GRHL2: variants seen among roughly 807,000 people sequenced by gnomAD.
GRHL2 encodes grainyhead like transcription factor 2.
GRHL2 carries 21 observed loss-of-function variants against 83.8 expected under a neutral mutation model. That is an observed-to-expected ratio of 0.25 (90% CI 0.18 to 0.36). GRHL2 has a LOEUF of 0.36. Among genes scored for constraint, GRHL2 ranks in the 10% least tolerant of loss-of-function variants. The pLI is 1.00. For missense variants in GRHL2, 623 were observed against 781.8 expected, an observed-to-expected ratio of 0.80 and a Z score of 2.42; for synonymous variants, 280 against 278.9, an observed-to-expected ratio of 1.00 and a Z score of -0.04.
At chr8:101,632,467 CCTT>C in intron 11 of GRHL2, 102 bp downstream of exon 11, 1 of 1,369,862 alleles carries the variant, frequency 7.3e-7, no homozygotes, top group Non-Finnish European at 1.0e-6. Context: ...AAATAACTTA[CCTT>C]CCATTCACTA....
chr8:101,594,069 C>CAAAAAAAAA, intron 7 of GRHL2, among the ~76,000 whole-genome samples: 1 of 49,082 alleles, frequency 2.0e-5, no homozygotes, highest in Non-Finnish European at 3.4e-5. Context: ...GAGTCTGTAT[C>CAAAAAAAAA]AAAAAAAAAA....
intron 14 of GRHL2, among the ~76,000 whole-genome samples, chr8:101,655,343 ATGTT>A (rs1813763844): frequency 6.6e-6 from 1 of 152,090 alleles, no homozygotes. Flanking sequence ...CCATTTTTGA[ATGTT>A]TGGTTTCCTT....
At chr8:101,604,312 G>T (rs529337392) in intron 8 of GRHL2, among the ~76,000 whole-genome samples, 8 of 152,106 alleles carry the variant, frequency 5.3e-5, no homozygotes, top group Non-Finnish European at 1.2e-4. Flanking sequence ...TCAGATTCCT[G>T]GCACCGAGCA....
At chr8:101,535,903 A>G (rs1717457907) in intron 1 of GRHL2, among the ~76,000 whole-genome samples, 1 of 152,254 alleles carries the variant, frequency 6.6e-6, no homozygotes. Flanking sequence ...ATGGTAGATT[A>G]TGTAATAAAT....
chr8:101,673,141 T>C (rs1333177208), downstream of GRHL2, among the ~76,000 whole-genome samples: 1 of 149,670 alleles, frequency 6.7e-6, no homozygotes, highest in African/African-American at 2.5e-5. Context: ...AGAAACTGCA[T>C]CAACTAATGA....
intron 1 of GRHL2, among the ~76,000 whole-genome samples, chr8:101,533,838 C>T (rs948695296): frequency 6.6e-6 from 1 of 152,034 alleles, no homozygotes; most frequent in Non-Finnish European, 1.5e-5. Context: ...AAGGTGGGAC[C>T]AGTGCAGCAA....
chr8:101,606,386 C>G (rs1812635151), intron 8 of GRHL2, among the ~76,000 whole-genome samples: 1 of 152,116 alleles, frequency 6.6e-6, no homozygotes, highest in Non-Finnish European at 1.5e-5. Context: ...TAGTTTTGCC[C>G]CATTGCCTTC....
rs183543842 is a variant in GRHL2 at position 101,569,592 on chromosome 8, T to A, written c.679-747T>A. ...TCAAGCGATGCTTCCGCCTCAACTT[T>A]CTGGGTAGCTGGGACTACAGGGATG... On this transcript the variant is annotated intron_variant, in intron 4 of 15. Coordinates refer to ENST00000646743, the MANE Select transcript of GRHL2 (RefSeq NM_024915.4). Among the ~76,000 whole-genome samples, 368 of 152,244 alleles carry A rather than the reference T, an allele frequency of 2.4e-3. 3 individuals carry two copies. The highest frequency in any genetic ancestry group is 8.4e-3 in the African/African-American group (348 of 41,538).
intron 7 of GRHL2, among the ~76,000 whole-genome samples, chr8:101,580,262 T>G (rs959256163): frequency 6.6e-6 from 1 of 152,240 alleles, no homozygotes; most frequent in Non-Finnish European, 1.5e-5. Flanking sequence ...TCAGGGCATT[T>G]GGGATATCCA....
intron 1 of GRHL2, among the ~76,000 whole-genome samples, chr8:101,496,495 C>T (rs1563550129): frequency 6.6e-6 from 1 of 151,988 alleles, no homozygotes; most frequent in Non-Finnish European, 1.5e-5. Flanking sequence ...CCTTGAATGC[C>T]ACTATATACT....
At chr8:101,541,147 GGTGTGTGTGT>G (rs56763374) in intron 1 of GRHL2, among the ~76,000 whole-genome samples, 6,498 of 144,048 alleles carry the variant, frequency 0.045, 156 homozygotes, top group Middle Eastern at 0.06. Flanking sequence ...ACTATTTCAT[GGTGTGTGTGT>G]GTGTGTGTGT....
intron 7 of GRHL2, among the ~76,000 whole-genome samples, chr8:101,595,010 G>A (rs1308175316): frequency 6.6e-6 from 1 of 152,118 alleles, no homozygotes; most frequent in East Asian, 1.9e-4. Context: ...GCATACAAAA[G>A]CAGATTAAGG....
chr8:101,516,895 T>G (rs866440216), intron 1 of GRHL2, among the ~76,000 whole-genome samples: 7 of 152,196 alleles, frequency 4.6e-5, no homozygotes, highest in African/African-American at 1.4e-4. Flanking sequence ...CATGGACTTT[T>G]AAGGCCAGTG....
At chr8:101,579,705 T>C (rs16867851) in intron 7 of GRHL2, among the ~76,000 whole-genome samples, 2,541 of 152,336 alleles carry the variant, frequency 0.017, 69 homozygotes, top group African/African-American at 0.058. Flanking sequence ...CATGCATTTC[T>C]CTGCCAGTGG....
chr8:101,663,943 G>T (rs1345876664), intron 14 of GRHL2, among the ~76,000 whole-genome samples: 1 of 150,076 alleles, frequency 6.7e-6, no homozygotes, highest in Non-Finnish European at 1.5e-5. Flanking sequence ...AAGTTGTGTT[G>T]TTTTTATTAA....
chr8:101,529,840 C>T (rs1450412105), intron 1 of GRHL2, among the ~76,000 whole-genome samples: 1 of 152,112 alleles, frequency 6.6e-6, no homozygotes, highest in Non-Finnish European at 1.5e-5. Context: ...TCTGAGGATG[C>T]CTGGAGGGTC....
downstream of GRHL2, among the ~76,000 whole-genome samples, chr8:101,670,704 G>T (rs189191502): frequency 6.6e-6 from 1 of 152,188 alleles, no homozygotes; most frequent in Non-Finnish European, 1.5e-5. Context: ...TGGCAGCCAC[G>T]GTCCTGCTGT....
the GRHL2 span, among the ~76,000 whole-genome samples, chr8:101,677,709 A>G: frequency 6.6e-6 from 1 of 152,086 alleles, no homozygotes; most frequent in Non-Finnish European, 1.5e-5. Context: ...GAAAAGTGTT[A>G]GAAAAAAAGT....
intron 3 of GRHL2, among the ~76,000 whole-genome samples, chr8:101,557,774 G>C (rs1288146842): frequency 6.6e-6 from 1 of 152,028 alleles, no homozygotes; most frequent in Admixed American, 6.6e-5. Flanking sequence ...TTGTCTGATC[G>C]CTTCTTTTTG....
Sources: allele counts gnomAD v4.1 joint callset (sites outside exome capture counted in the v4.1 genomes callset), GRCh38; gene constraint gnomAD v4.1.1; transcripts MANE v1.5; gene names NCBI Gene and HGNC (gene_info 2026-07-23, HGNC 2026-07-21).